LTAP1: variants seen among roughly 807,000 people sequenced by gnomAD.
The protein encoded by LTAP1 is lipid transport auxiliary protein 1, also known as HCV NS5A-transactivated protein 4.
chr1:154,210,008 G>A, the LTAP1 span, among the ~76,000 whole-genome samples: 2 of 151,948 alleles, frequency 1.3e-5, no homozygotes, highest in Admixed American at 6.6e-5. Flanking sequence ...TTACAAGTAC[G>A]AACCACTGCA....
At chr1:154,207,380 C>T in the LTAP1 span, 441 of 1,448,090 alleles carry the variant, frequency 3.0e-4, 1 homozygote, top group African/African-American at 4.6e-3. Context: ...GTTCCGAGGG[C>T]GGCCCGGCAA....
At chr1:154,217,137 C>CG in the LTAP1 span, among the ~76,000 whole-genome samples, 1 of 150,686 alleles carries the variant, frequency 6.6e-6, no homozygotes, top group Non-Finnish European at 1.5e-5. Flanking sequence ...TTAGTACAGT[C>CG]GGGGTTTCAC....
At chr1:154,218,977 T>G in the LTAP1 span, among the ~76,000 whole-genome samples, 1 of 152,176 alleles carries the variant, frequency 6.6e-6, no homozygotes, top group African/African-American at 2.4e-5. Flanking sequence ...GCTAGCCAAT[T>G]GAAGACCATT....
chr1:154,207,347 A>C, the LTAP1 span: 1 of 1,013,672 alleles, frequency 9.9e-7, no homozygotes, highest in African/African-American at 1.6e-5. Flanking sequence ...GGATGGATAC[A>C]GTCTGGGCCT....
chr1:154,210,390 A>G, the LTAP1 span, among the ~76,000 whole-genome samples: 3 of 152,208 alleles, frequency 2.0e-5, no homozygotes, highest in Non-Finnish European at 4.4e-5. Context: ...GGACAGAGAG[A>G]AGACAGGAGA....
At chr1:154,218,721 G>GTC in the LTAP1 span, among the ~76,000 whole-genome samples, 3 of 152,232 alleles carry the variant, frequency 2.0e-5, no homozygotes, top group South Asian at 6.2e-4. Context: ...CCTACTATGT[G>GTC]TAGGTCCTGG....
At chr1:154,220,009 C>G in the LTAP1 span, 4 of 1,259,568 alleles carry the variant, frequency 3.2e-6, no homozygotes, top group African/African-American at 1.5e-5. Flanking sequence ...AAAAAGCATG[C>G]CTTCATTCCA....
chr1:154,219,754 C>T, the LTAP1 span: 1 of 1,007,060 alleles, frequency 9.9e-7, no homozygotes, highest in African/African-American at 1.6e-5. Context: ...GAATTAAAGT[C>T]ATCACTAAAG....
chr1:154,217,028 C>T, the LTAP1 span, among the ~76,000 whole-genome samples: 4 of 151,346 alleles, frequency 2.6e-5, no homozygotes, highest in Non-Finnish European at 5.9e-5. Flanking sequence ...CTGCTCACTG[C>T]AACCTCCGCC....
the LTAP1 span, chr1:154,213,236 G>C: frequency 6.5e-6 from 1 of 152,884 alleles, no homozygotes; most frequent in Non-Finnish European, 1.5e-5. Context: ...GAACCCAGGA[G>C]GTGGAGGTTG....
chr1:154,218,562 T>C, the LTAP1 span, among the ~76,000 whole-genome samples: 3 of 152,254 alleles, frequency 2.0e-5, no homozygotes, highest in African/African-American at 4.8e-5. Context: ...CACTTGTTAA[T>C]GAAAGTACAG....
At chr1:154,219,711 A>T in the LTAP1 span, 1 of 730,974 alleles carries the variant, frequency 1.4e-6, no homozygotes, top group Non-Finnish European at 2.2e-6. Context: ...CAACTTAGTA[A>T]GTACAAGGAC....
At chr1:154,218,338 T>TA in the LTAP1 span, among the ~76,000 whole-genome samples, 1 of 152,198 alleles carries the variant, frequency 6.6e-6, no homozygotes. Flanking sequence ...GTTGAGAATT[T>TA]AGAAAAAATT....
At chr1:154,207,174 G>A in the LTAP1 span, 1 of 310,274 alleles carries the variant, frequency 3.2e-6, no homozygotes, top group Admixed American at 4.7e-5. Flanking sequence ...TTTTTAAGAA[G>A]CTTTGACAGA....
the LTAP1 span, chr1:154,220,134 C>A: frequency 2.3e-4 from 165 of 732,710 alleles, 3 homozygotes; most frequent in African/African-American, 2.8e-3. Flanking sequence ...GGGGTCTGTG[C>A]TCTAGCGTTA....
the LTAP1 span, among the ~76,000 whole-genome samples, chr1:154,209,837 G>A: frequency 2.0e-5 from 3 of 151,524 alleles, no homozygotes; most frequent in Admixed American, 6.6e-5. Flanking sequence ...TGAACCGCCC[G>A]CCTCGGCCTC....
At chr1:154,212,374 A>G in the LTAP1 span, 1 of 1,614,164 alleles carries the variant, frequency 6.2e-7, no homozygotes, top group Admixed American at 1.7e-5. Flanking sequence ...ATTCTGGCCA[A>G]AGACCTTAGG....
At chr1:154,207,471 T>C in the LTAP1 span, 2 of 1,614,036 alleles carry the variant, frequency 1.2e-6, no homozygotes, top group Admixed American at 1.7e-5. Flanking sequence ...TACTCTCCAA[T>C]GTGTTATAGT....
At chr1:154,213,436 T>C in the LTAP1 span, 1 of 157,888 alleles carries the variant, frequency 6.3e-6, no homozygotes, top group South Asian at 1.8e-4. Flanking sequence ...AAGCTACATC[T>C]ATGACACATG....
Sources: allele counts gnomAD v4.1 joint callset (sites outside exome capture counted in the v4.1 genomes callset), GRCh38; gene constraint gnomAD v4.1.1; transcripts MANE v1.5; gene names NCBI Gene and HGNC (gene_info 2026-07-23, HGNC 2026-07-21).